Variants in ZCCHC7 observed in about 807,000 individuals in gnomAD.
The protein encoded by ZCCHC7 is zinc finger CCHC domain-containing protein 7.
In ZCCHC7, 35 loss-of-function variants were observed where a neutral mutation model predicts 52.0. The ratio of observed to expected loss-of-function variants is 0.67; its 90% CI spans 0.51 to 0.89. The LOEUF (loss-of-function observed/expected upper bound fraction) is 0.89. Ranked by LOEUF, ZCCHC7 falls within the 40% of genes least tolerant of loss-of-function variation. The pLI, the probability that ZCCHC7 is intolerant of heterozygous loss-of-function variation, is 0.00. For synonymous variants in ZCCHC7, 217 were observed against 221.5 expected (o/e 0.98, Z 0.18); for missense variants, 574 against 649.1 (o/e 0.88, Z 1.26).
intron 2 of ZCCHC7, among the ~76,000 whole-genome samples, chr9:37,136,031 A>G (rs1241977021): frequency 2.0e-5 from 3 of 150,482 alleles, no homozygotes; most frequent in African/African-American, 2.5e-5. Context: ...AGGTCTTTAC[A>G]TATGTGTTTT....
chr9:37,274,875 C>T (rs905662354), intron 2 of ZCCHC7, among the ~76,000 whole-genome samples: 2 of 151,038 alleles, frequency 1.3e-5, no homozygotes, highest in Non-Finnish European at 2.9e-5. Flanking sequence ...TTTGTTTTAT[C>T]CCATTGTCCC....
intron 2 of ZCCHC7, among the ~76,000 whole-genome samples, chr9:37,235,089 T>C (rs990357581): frequency 6.6e-6 from 1 of 152,222 alleles, no homozygotes; most frequent in African/African-American, 2.4e-5. Context: ...TTCTGGCAAG[T>C]ACATTCAAAA....
At chr9:37,346,679 A>T (rs1257908970) in intron 6 of ZCCHC7, among the ~76,000 whole-genome samples, 2 of 152,156 alleles carry the variant, frequency 1.3e-5, no homozygotes, top group African/African-American at 4.8e-5. Flanking sequence ...TGTCTCAAAG[A>T]AAAAACAAAA....
At chr9:37,352,084 G>A (rs1490911254) in intron 7 of ZCCHC7, among the ~76,000 whole-genome samples, 1 of 152,194 alleles carries the variant, frequency 6.6e-6, no homozygotes, top group Admixed American at 6.5e-5. Context: ...TAATGGAGGG[G>A]ACCAGCGATG....
At chr9:37,306,788 TTTTTTTTTTTTTTTTTG>T (rs1428304921) in intron 5 of ZCCHC7, among the ~76,000 whole-genome samples, 6 of 84,736 alleles carry the variant, frequency 7.1e-5, no homozygotes, top group East Asian at 6.8e-4. Context: ...TTTTTTTTTT[TTTTTTTTTTTTTTTTTG>T]GAGACAGGGT....
intron 5 of ZCCHC7, chr9:37,326,085 A>T (rs1341714564): frequency 6.6e-6 from 1 of 152,244 alleles, no homozygotes; most frequent in Admixed American, 6.5e-5. Context: ...TAACTAATGT[A>T]TAAATAACTG....
intron 2 of ZCCHC7, among the ~76,000 whole-genome samples, chr9:37,153,398 C>T (rs1820640994): frequency 6.6e-6 from 1 of 151,832 alleles, no homozygotes; most frequent in South Asian, 2.1e-4. Context: ...CTCGAACTCC[C>T]AACCTCAGGT....
chr9:37,295,964 G>T (rs574762401), intron 2 of ZCCHC7, among the ~76,000 whole-genome samples: 2 of 152,270 alleles, frequency 1.3e-5, no homozygotes, highest in Admixed American at 1.3e-4. Context: ...TCAGCCAAGA[G>T]AATTGTAAAT....
intron 2 of ZCCHC7, among the ~76,000 whole-genome samples, chr9:37,152,376 A>G (rs1289705073): frequency 6.6e-6 from 1 of 152,162 alleles, no homozygotes; most frequent in Non-Finnish European, 1.5e-5. Context: ...GTCAAAATTA[A>G]TGCATCAATA....
chr9:37,278,034 G>GTGTGTTGTGTTTTGTTTTGTTTTGTTT (rs74182939), intron 2 of ZCCHC7, among the ~76,000 whole-genome samples: 4 of 142,860 alleles, frequency 2.8e-5, no homozygotes, highest in Non-Finnish European at 6.1e-5. Context: ...GTGTGTGTGT[G>GTGTGTTGTGTTTTGTTTTGTTTTGTTT]TGTTTTGTTT....
Position 37,269,618 on chromosome 9 carries a change from CAAAAAAAAAA to C in ZCCHC7, c.611-32551_611-32542del, listed in dbSNP as rs1170865355. Among the ~76,000 whole-genome samples, 184 of 27,204 alleles carry C rather than the reference CAAAAAAAAAA, an allele frequency of 6.8e-3. 5 individuals are homozygous for C. In the East Asian group the frequency reaches 0.18, roughly 27 times the overall value. The allele number at this position is 27,204 out of a possible 152,430, so 17.8% of individuals were successfully genotyped here. The stretch of plus-strand genomic sequence containing the variant: ...TGAGCAACAGAGTGAGACTCTGTCT[CAAAAAAAAAA>C]AAAAAAAAAAAAAAAAAACAAAAGA... On this transcript the variant is annotated intron_variant, in intron 2 of 8. Coordinates refer to ENST00000336755, the MANE Select transcript of ZCCHC7 (RefSeq NM_032226.3).
chr9:37,281,544 ATAAAC>A (rs1827959140), intron 2 of ZCCHC7, among the ~76,000 whole-genome samples: 1 of 152,228 alleles, frequency 6.6e-6, no homozygotes, highest in Admixed American at 6.5e-5. Flanking sequence ...TTCTCAGAAA[ATAAAC>A]TAAGAAAATA....
At chr9:37,239,484 A>G (rs1247739199) in intron 2 of ZCCHC7, among the ~76,000 whole-genome samples, 3 of 152,124 alleles carry the variant, frequency 2.0e-5, no homozygotes, top group African/African-American at 7.2e-5. Flanking sequence ...AACAAAAGAA[A>G]GCGATTGGTT....
At position 37,246,875 on chromosome 9, in the gene ZCCHC7, G is replaced by A. The variant is rs1826101833; in HGVS notation, c.611-55313G>A. On this transcript the variant is annotated intron_variant, in intron 2 of 8. Transcript: ENST00000336755. ...ATACTGTGGGACGACTGTATATATT[G>A]TGAAATGGCTAAATTGAGATGATTA... Among the ~76,000 whole-genome samples, 4 of 152,218 alleles carry A rather than the reference G, an allele frequency of 2.6e-5. No individual in the cohort carries two copies. The South Asian group carries it at 8.3e-4, about 32-fold the overall frequency.
At chr9:37,229,668 A>C (rs1210325204) in intron 2 of ZCCHC7, among the ~76,000 whole-genome samples, 6 of 152,214 alleles carry the variant, frequency 3.9e-5, no homozygotes, top group Admixed American at 1.3e-4. Flanking sequence ...TCAGGCAGTG[A>C]GTAAGTGTTG....
intron 2 of ZCCHC7, among the ~76,000 whole-genome samples, chr9:37,246,463 G>A (rs1208221268): frequency 1.3e-5 from 2 of 152,118 alleles, no homozygotes; most frequent in African/African-American, 4.8e-5. Context: ...TGTTTCAAAT[G>A]TGAATGCATT....
At chr9:37,252,378 C>G (rs1826370684) in intron 2 of ZCCHC7, among the ~76,000 whole-genome samples, 2 of 152,024 alleles carry the variant, frequency 1.3e-5, no homozygotes, top group Non-Finnish European at 2.9e-5. Context: ...AATATGCATC[C>G]CAAATGAGCC....
At chr9:37,303,519 C>T (rs914919473) in intron 3 of ZCCHC7, among the ~76,000 whole-genome samples, 1 of 150,690 alleles carries the variant, frequency 6.6e-6, no homozygotes, top group African/African-American at 2.4e-5. Context: ...TACCCCTGCT[C>T]GATCTGAAAC....
At position 37,234,074 on chromosome 9, in the gene ZCCHC7, A is replaced by G. The variant is rs1367862701; in HGVS notation, c.611-68114A>G. ...TCACTATGTTGGCCAGGGTTTCACT[A>G]TGTTGGCCAGGCTTGAACTCCTGAC... is the stretch of plus-strand genomic sequence containing the variant. On this transcript the variant is annotated intron_variant, in intron 2 of 8. Transcript: ENST00000336755. Among the ~76,000 whole-genome samples the G allele has an allele frequency of 2.6e-5, 4 of 151,586 alleles. No homozygotes were observed. In the East Asian group the frequency reaches 5.8e-4, roughly 22 times the overall value.
Sources: allele counts gnomAD v4.1 joint callset (sites outside exome capture counted in the v4.1 genomes callset), GRCh38; gene constraint gnomAD v4.1.1; transcripts MANE v1.5; gene names NCBI Gene and HGNC (gene_info 2026-07-23, HGNC 2026-07-21).